Variants in ARB2A observed in about 807,000 individuals in gnomAD.
ARB2A encodes cotranscriptional regulator ARB2A.
chr5:93,869,014 C>T, the ARB2A span, among the ~76,000 whole-genome samples: 25 of 152,114 alleles, frequency 1.6e-4, no homozygotes, highest in South Asian at 6.2e-4. Context: ...CCTGGTGTAG[C>T]GGGAAAAACA....
At chr5:94,048,133 C>A in the ARB2A span, among the ~76,000 whole-genome samples, 4 of 146,326 alleles carry the variant, frequency 2.7e-5, no homozygotes, top group Admixed American at 2.8e-4. Flanking sequence ...CTGTTCACTG[C>A]AACCTCCATC....
the ARB2A span, among the ~76,000 whole-genome samples, chr5:93,990,620 T>TTA: frequency 1.5e-3 from 111 of 75,242 alleles, no homozygotes; most frequent in Non-Finnish European, 1.8e-3. Flanking sequence ...CTACCATGAG[T>TTA]AAAAAAAAAA....
chr5:93,894,992 T>C, the ARB2A span, among the ~76,000 whole-genome samples: 2 of 152,146 alleles, frequency 1.3e-5, no homozygotes, highest in Non-Finnish European at 2.9e-5. Flanking sequence ...ACATGTGATG[T>C]TGCTTAGTTT....
chr5:93,769,693 C>G, the ARB2A span, among the ~76,000 whole-genome samples: 2 of 152,136 alleles, frequency 1.3e-5, no homozygotes, highest in Admixed American at 1.3e-4. Context: ...GCAATTCATT[C>G]TTTTTTAAAA....
the ARB2A span, among the ~76,000 whole-genome samples, chr5:93,686,536 T>C: frequency 6.6e-6 from 1 of 152,244 alleles, no homozygotes; most frequent in Admixed American, 6.5e-5. Flanking sequence ...AAAAAATCTT[T>C]ACGGCTTCCA....
the ARB2A span, among the ~76,000 whole-genome samples, chr5:93,859,844 T>C: frequency 6.6e-6 from 1 of 152,188 alleles, no homozygotes; most frequent in Non-Finnish European, 1.5e-5. Context: ...ACAACAGGAA[T>C]AGCCATGTAT....
chr5:93,904,141 GA>G, the ARB2A span, among the ~76,000 whole-genome samples: 8 of 152,012 alleles, frequency 5.3e-5, no homozygotes, highest in South Asian at 1.7e-3. Flanking sequence ...AGACTAAAGG[GA>G]ATAGCAGTTG....
the ARB2A span, among the ~76,000 whole-genome samples, chr5:93,781,621 C>A: frequency 1.3e-5 from 2 of 151,952 alleles, no homozygotes; most frequent in East Asian, 3.9e-4. Context: ...TACTGTTTTC[C>A]ACAGAGGCTG....
At chr5:93,960,006 G>A in the ARB2A span, among the ~76,000 whole-genome samples, 18 of 147,734 alleles carry the variant, frequency 1.2e-4, no homozygotes, top group African/African-American at 4.1e-4. Context: ...ATTGTGTAAC[G>A]TAATAGCTCT....
the ARB2A span, among the ~76,000 whole-genome samples, chr5:93,944,669 G>T: frequency 6.6e-6 from 1 of 151,410 alleles, no homozygotes; most frequent in Non-Finnish European, 1.5e-5. Flanking sequence ...GGAAAGAATG[G>T]GAAGAAGAGA....
At chr5:93,815,037 C>T in the ARB2A span, among the ~76,000 whole-genome samples, 2 of 151,816 alleles carry the variant, frequency 1.3e-5, no homozygotes, top group Non-Finnish European at 2.9e-5. Flanking sequence ...CAAACGAGGT[C>T]TTCCTATGTT....
the ARB2A span, chr5:93,958,655 T>TA: frequency 1.4e-6 from 1 of 697,786 alleles, no homozygotes; most frequent in Non-Finnish European, 2.1e-6. Flanking sequence ...ACAAGTAAAA[T>TA]AAATAATAAC....
the ARB2A span, among the ~76,000 whole-genome samples, chr5:93,874,508 C>T: frequency 6.6e-6 from 1 of 152,052 alleles, no homozygotes; most frequent in Non-Finnish European, 1.5e-5. Flanking sequence ...CTCAGTATGC[C>T]CTTTCCCATC....
chr5:93,645,576 G>GAAAAAAAA, the ARB2A span, among the ~76,000 whole-genome samples: 1 of 90,042 alleles, frequency 1.1e-5, no homozygotes, highest in Non-Finnish European at 2.6e-5. Flanking sequence ...CCGTCTCAAA[G>GAAAAAAAA]AAAAAAAAAA....
the ARB2A span, among the ~76,000 whole-genome samples, chr5:94,030,051 G>A: frequency 3.1e-4 from 47 of 152,274 alleles, no homozygotes; most frequent in Non-Finnish European, 4.9e-4. Context: ...TCACTATCTT[G>A]AGAACAGCAC....
the ARB2A span, among the ~76,000 whole-genome samples, chr5:93,692,531 T>A: frequency 1.3e-5 from 2 of 151,880 alleles, no homozygotes; most frequent in East Asian, 3.9e-4. Context: ...AATATAGGAG[T>A]ACCCAGATTC....
chr5:93,720,176 A>G, the ARB2A span, among the ~76,000 whole-genome samples: 6 of 152,322 alleles, frequency 3.9e-5, no homozygotes, highest in South Asian at 1.2e-3. Context: ...ATTGAAGTAG[A>G]TATTAAAGAC....
At chr5:93,947,686 T>G in the ARB2A span, among the ~76,000 whole-genome samples, 3 of 106,048 alleles carry the variant, frequency 2.8e-5, no homozygotes, top group African/African-American at 3.7e-5. Context: ...CCCACAACAG[T>G]CCCCAGAGTG....
chr5:93,937,332 G>T, the ARB2A span, among the ~76,000 whole-genome samples: 1 of 151,576 alleles, frequency 6.6e-6, no homozygotes, highest in African/African-American at 2.4e-5. Flanking sequence ...GCTGGCCGCG[G>T]TGGTTCACAC....
Sources: allele counts gnomAD v4.1 joint callset (sites outside exome capture counted in the v4.1 genomes callset), GRCh38; gene constraint gnomAD v4.1.1; transcripts MANE v1.5; gene names NCBI Gene and HGNC (gene_info 2026-07-23, HGNC 2026-07-21).